COL21A1: variants seen among roughly 807,000 people sequenced by gnomAD.
COL21A1 encodes collagen alpha-1(XXI) chain.
In COL21A1, 149 loss-of-function variants were observed where a neutral mutation model predicts 137.9. That is an observed-to-expected ratio of 1.08 (90% CI 0.95 to 1.24). The LOEUF (loss-of-function observed/expected upper bound fraction) is 1.24, where lower values mean the gene tolerates loss of function less well. Ranked by LOEUF, COL21A1 falls within the 50% of genes most tolerant of loss-of-function variation. The probability of loss-of-function intolerance (pLI) is 0.00; values close to 1 mark genes in which losing one functional copy is unlikely to be tolerated. For synonymous variants in COL21A1, 456 were observed against 391.5 expected (o/e 1.16, Z -1.95); for missense variants, 1,167 against 1,158.4 (o/e 1.01, Z -0.11).
intron 23 of COL21A1, 116 bp downstream of exon 23, chr6:56,067,179 G>A: frequency 1.2e-6 from 1 of 848,716 alleles, no homozygotes. Flanking sequence ...GGAGAAAATA[G>A]GATTTAACAA....
At position 56,132,089 on chromosome 6, in the gene COL21A1, T is replaced by TCA. The variant is rs1378702492; in HGVS notation, c.1543-5941_1543-5940insTG. Among the ~76,000 whole-genome samples, 6 of 150,788 alleles carry TCA rather than the reference T, an allele frequency of 4.0e-5. 1 individual carries two copies. In the South Asian group the frequency reaches 1.0e-3, roughly 26 times the overall value. Reference sequence around the variant, plus strand: ...AAAAATATAAAAAATAAATAGCTTTTTATATATATAATATAACCAATATAA... The same window carrying TCA: ...AAAAATATAAAAAATAAATAGCTTTTCATATATATATAATATAACCAATATAA... On this transcript the variant is annotated intron_variant, in intron 12 of 29. Coordinates refer to ENST00000244728, the MANE Select transcript of COL21A1 (RefSeq NM_030820.4).
At chr6:56,166,462 G>T (rs1332404502) in intron 7 of COL21A1, among the ~76,000 whole-genome samples, 4 of 152,088 alleles carry the variant, frequency 2.6e-5, no homozygotes, top group African/African-American at 9.7e-5. Context: ...GACCAGCCTG[G>T]CCAACATGGT....
chr6:56,181,694 T>G (rs1026391134), intron 2 of COL21A1, among the ~76,000 whole-genome samples: 6 of 152,134 alleles, frequency 3.9e-5, no homozygotes, highest in African/African-American at 1.2e-4. Flanking sequence ...GAGAACCTCT[T>G]CCTTAGAGAG....
intron 1 of COL21A1, among the ~76,000 whole-genome samples, chr6:56,186,759 G>A (rs535828657): frequency 9.2e-5 from 14 of 152,138 alleles, no homozygotes; most frequent in South Asian, 2.1e-4. Flanking sequence ...AAAGACCCCC[G>A]TACTGAAACA....
At chr6:56,100,285 C>G (rs1325661832) in intron 17 of COL21A1, among the ~76,000 whole-genome samples, 1 of 152,086 alleles carries the variant, frequency 6.6e-6, no homozygotes, top group Admixed American at 6.5e-5. Flanking sequence ...TGGCACAAAC[C>G]CTTGGTAAAA....
At chr6:56,287,637 C>T (rs2152334994) in intron 1 of COL21A1, among the ~76,000 whole-genome samples, 1 of 152,136 alleles carries the variant, frequency 6.6e-6, no homozygotes, top group Middle Eastern at 3.4e-3. Flanking sequence ...CCTGTACAGC[C>T]TAGAGAACCG....
rs185855109 is a variant in COL21A1, at chr6:56,167,961, T to C, written c.1200+163A>G. ...AAGTCCAATTCTGCATTTTAATACA[T>C]ATACATATGCATAATTTCACTAATG... is the stretch of plus-strand genomic sequence containing the variant. On this transcript the variant is annotated intron_variant, in intron 6 of 29. Transcript: ENST00000244728. Among the ~76,000 whole-genome samples, 204 of 152,268 alleles carry C rather than the reference T, an allele frequency of 1.3e-3. 3 individuals are homozygous for C. Among genetic ancestry groups the C allele is most frequent in the Admixed American group, 0.012 (177 of 15,290 alleles).
chr6:56,172,356 A>T (rs1173926360), intron 3 of COL21A1, among the ~76,000 whole-genome samples: 2 of 152,210 alleles, frequency 1.3e-5, no homozygotes. Context: ...ATTGCAGGCC[A>T]GGAGTGGGAT....
Position 56,064,589 on chromosome 6 carries a change from G to A in COL21A1, c.2161C>T (p.Pro721Ser). 1 of 1,595,326 alleles carries A rather than the reference G, an allele frequency of 6.3e-7. No homozygotes were observed. Among genetic ancestry groups the A allele is most frequent in the Non-Finnish European group, 8.5e-7 (1 of 1,169,720 alleles). The stretch of plus-strand genomic sequence containing the variant: ...AAACCAAAAAATACCTGTTGCCCTG[G>A]AATTCCCTGTCTTCCATTTTCTCCC... Reference protein sequence around the residue: ...QKGENGRQGIPGQQGIQGHHG... With the variant: ...QKGENGRQGISGQQGIQGHHG... Residue 721 changes from proline to serine, a missense_variant, in exon 24 of 30, where the codon CCA becomes TCA. Pro to Ser is a moderately conservative substitution (Grantham distance 74, BLOSUM62 -1). Coordinates refer to ENST00000244728, the MANE Select transcript of COL21A1 (RefSeq NM_030820.4).
At chr6:56,082,597 G>T (rs1308849175) in intron 17 of COL21A1, among the ~76,000 whole-genome samples, 1 of 151,774 alleles carries the variant, frequency 6.6e-6, no homozygotes, top group African/African-American at 2.4e-5. Context: ...CTTTAACTTG[G>T]TGTTGAATAG....
chr6:56,120,900 G>T (rs1362219691), intron 16 of COL21A1, among the ~76,000 whole-genome samples: 1 of 152,014 alleles, frequency 6.6e-6, no homozygotes, highest in African/African-American at 2.4e-5. Flanking sequence ...GCATATTAAA[G>T]GGATATCTGC....
intron 10 of COL21A1, among the ~76,000 whole-genome samples, chr6:56,144,712 G>A (rs1271193968): frequency 6.6e-6 from 1 of 152,188 alleles, no homozygotes. Flanking sequence ...TGCCCTAACT[G>A]TGTTCCCAGC....
At chr6:56,119,072 CT>C (rs1194636367) in intron 16 of COL21A1, among the ~76,000 whole-genome samples, 1 of 152,024 alleles carries the variant, frequency 6.6e-6, no homozygotes, top group African/African-American at 2.4e-5. Flanking sequence ...ACTGGAAGTC[CT>C]AGCTAGAGAA....
At chr6:56,349,764 T>C (rs1010888456) in intron 1 of COL21A1, among the ~76,000 whole-genome samples, 1 of 152,214 alleles carries the variant, frequency 6.6e-6, no homozygotes, top group South Asian at 2.1e-4. Context: ...ACCTTCTGTT[T>C]TGTCATTTTA....
In COL21A1 at chr6:56,059,242, C is replaced by A; in HGVS notation, c.2609G>T (p.Gly870Val). ...PGRPGVRGLKGLPGRNGEKGS... is the reference protein window; with the variant it reads ...PGRPGVRGLKVLPGRNGEKGS... Reference sequence around the variant, plus strand: ...TTTTTCCCCATTTCTTCCTGGTAGGCCTGCAGGGTGTCAAACATCTGAGTA... The same window carrying A: ...TTTTTCCCCATTTCTTCCTGGTAGGACTGCAGGGTGTCAAACATCTGAGTA... Residue 870 changes from glycine (G) to valine (V), a missense_variant and splice_region_variant, in exon 29 of 30, where the codon GGC becomes GTC. Gly to Val is a moderately radical substitution (Grantham distance 109). Coordinates refer to ENST00000244728, the MANE Select transcript of COL21A1 (RefSeq NM_030820.4). The A allele has an allele frequency of 6.3e-7, 1 of 1,594,408 alleles. No homozygotes were observed. The highest frequency in any genetic ancestry group is 8.5e-7 in the Non-Finnish European group (1 of 1,173,618).
intron 1 of COL21A1, among the ~76,000 whole-genome samples, chr6:56,347,647 A>T (rs936101203): frequency 3.3e-5 from 5 of 152,174 alleles, no homozygotes; most frequent in Non-Finnish European, 7.3e-5. Context: ...TAATTCTGAT[A>T]CACAACCAGG....
chr6:56,202,948 G>T (rs1779510928), intron 1 of COL21A1, among the ~76,000 whole-genome samples: 1 of 152,130 alleles, frequency 6.6e-6, no homozygotes, highest in Non-Finnish European at 1.5e-5. Context: ...CAGGCCACAG[G>T]ATTCCATTGG....
At chr6:56,299,176 A>G (rs55719741) in intron 1 of COL21A1, among the ~76,000 whole-genome samples, 12,582 of 152,166 alleles carry the variant, frequency 0.083, 571 homozygotes, top group Middle Eastern at 0.14. Context: ...ACACGGAGCT[A>G]AATTAGATCA....
At position 56,385,902 on chromosome 6, in the gene COL21A1, CT is replaced by C. The variant is rs771807619; in HGVS notation, c.-39+8068del. Reference sequence around the variant, plus strand: ...TGCAGCATGTGTCAGTACTTCATTCCTTTTTTTTTTTTTTGAAATGGAATTT... The same window carrying C: ...TGCAGCATGTGTCAGTACTTCATTCCTTTTTTTTTTTTTGAAATGGAATTT... On this transcript the variant is annotated intron_variant, in intron 1 of 28. Transcript: ENST00000370819. 3.1e-3 allele frequency among the ~76,000 whole-genome samples: 437 copies of C among 142,830 alleles called. 1 individual carries two copies. Among genetic ancestry groups the C allele is most frequent in the Admixed American group, 7.9e-3 (112 of 14,266 alleles). The allele number at this position is 142,830 out of a possible 152,430, so 93.7% of individuals were successfully genotyped here. A position where few individuals can be genotyped will look rare whatever the true frequency, so the allele number is the denominator to read the frequency against.
Sources: gnomAD v4.1 joint callset for allele counts (sites outside exome capture counted in the v4.1 genomes callset) on GRCh38, gnomAD v4.1.1 for gene constraint, MANE v1.5 for transcripts, NCBI Gene and HGNC (gene_info 2026-07-23, HGNC 2026-07-21) for gene names.